Variants in RBFOX1 observed in about 807,000 individuals in gnomAD.
RBFOX1 encodes RNA binding fox-1 homolog 1, also known as RNA binding protein fox-1 homolog 1.
A neutral mutation model predicts 57.7 loss-of-function variants in RBFOX1; 8 were observed. That is an observed-to-expected ratio of 0.14 (90% CI 0.08 to 0.25). RBFOX1 has a LOEUF of 0.25. Ranked by LOEUF, RBFOX1 falls within the 10% of genes least tolerant of loss-of-function variation. RBFOX1 has a pLI of 1.00. For missense variants in RBFOX1, 611 were observed against 548.5 expected (o/e 1.11, Z -1.14); for synonymous variants, 326 against 222.4 (o/e 1.47, Z -4.15).
At chr16:7,197,688 C>T (rs1444254310) in intron 4 of RBFOX1, among the ~76,000 whole-genome samples, 3 of 152,132 alleles carry the variant, frequency 2.0e-5, no homozygotes, top group African/African-American at 4.8e-5. Flanking sequence ...TGTCCATCAC[C>T]AGGTGTGTGG....
chr16:7,201,628 A>C (rs1252692599), intron 4 of RBFOX1, among the ~76,000 whole-genome samples: 1 of 151,830 alleles, frequency 6.6e-6, no homozygotes, highest in Non-Finnish European at 1.5e-5. Context: ...ACGCCTGGCT[A>C]ATTTTTAGTA....
At chr16:7,531,255 T>A (rs916590948) in intron 5 of RBFOX1, among the ~76,000 whole-genome samples, 1 of 152,138 alleles carries the variant, frequency 6.6e-6, no homozygotes, top group Non-Finnish European at 1.5e-5. Flanking sequence ...GAACATCAAA[T>A]AGAAACTTCT....
intron 4 of RBFOX1, among the ~76,000 whole-genome samples, chr16:5,940,498 A>G (rs1274133116): frequency 1.3e-5 from 2 of 152,236 alleles, no homozygotes; most frequent in Admixed American, 6.5e-5. Context: ...GACTGAGCCC[A>G]GATCTATGGG....
chr16:7,369,426 A>G (rs1304659367), intron 4 of RBFOX1, among the ~76,000 whole-genome samples: 2 of 152,064 alleles, frequency 1.3e-5, no homozygotes, highest in Non-Finnish European at 2.9e-5. Flanking sequence ...CTCACTATTA[A>G]TTCATCTGTT....
intron 4 of RBFOX1, among the ~76,000 whole-genome samples, chr16:5,962,004 C>A (rs1281321973): frequency 6.6e-6 from 1 of 152,166 alleles, no homozygotes; most frequent in Non-Finnish European, 1.5e-5. Flanking sequence ...GAGCCCATCT[C>A]TCTCCTTCCA....
At chr16:7,451,605 A>G (rs1225769274) in intron 4 of RBFOX1, among the ~76,000 whole-genome samples, 1 of 152,168 alleles carries the variant, frequency 6.6e-6, no homozygotes, top group Non-Finnish European at 1.5e-5. Flanking sequence ...TGAGTTGCAA[A>G]TATTCTTAGA....
At chr16:6,401,103 G>A (rs1282347092) in intron 2 of RBFOX1, among the ~76,000 whole-genome samples, 1 of 152,170 alleles carries the variant, frequency 6.6e-6, no homozygotes, top group Admixed American at 6.5e-5. Context: ...TGGAGAAAGG[G>A]TGATTCCAGA....
intron 2 of RBFOX1, among the ~76,000 whole-genome samples, chr16:6,649,874 A>T (rs1233463754): frequency 6.6e-6 from 1 of 152,204 alleles, no homozygotes; most frequent in African/African-American, 2.4e-5. Context: ...TATGTATAGT[A>T]TTCCAATATA....
intron 2 of RBFOX1, among the ~76,000 whole-genome samples, chr16:6,447,865 G>A (rs879838376): frequency 8.5e-5 from 13 of 152,080 alleles, no homozygotes; most frequent in African/African-American, 1.4e-4. Flanking sequence ...CCGTCCAATC[G>A]GAGTGAACCT....
chr16:6,160,798 C>G (rs1160261351), intron 1 of RBFOX1, among the ~76,000 whole-genome samples: 1 of 152,192 alleles, frequency 6.6e-6, no homozygotes, highest in Non-Finnish European at 1.5e-5. Flanking sequence ...TTTGCACTTG[C>G]TGATCTCTCT....
chr16:5,811,143 ATTT>A (rs374827330), intron 3 of RBFOX1, among the ~76,000 whole-genome samples: 99 of 104,578 alleles, frequency 9.5e-4, no homozygotes, highest in African/African-American at 3.8e-3. Flanking sequence ...TATGGAACAA[ATTT>A]TTTTTTTTTT....
At chr16:7,256,676 C>G (rs764361761) in intron 4 of RBFOX1, among the ~76,000 whole-genome samples, 1 of 152,184 alleles carries the variant, frequency 6.6e-6, no homozygotes, top group East Asian at 1.9e-4. Context: ...ATTTCCACCC[C>G]TTTAGGGTAA....
At chr16:7,383,078 T>C (rs1176193930) in intron 4 of RBFOX1, among the ~76,000 whole-genome samples, 1 of 152,026 alleles carries the variant, frequency 6.6e-6, no homozygotes, top group Non-Finnish European at 1.5e-5. Context: ...AAAAATGCAA[T>C]ATCCAGTTGA....
chr16:6,188,461 C>T (rs1372905874), intron 1 of RBFOX1, among the ~76,000 whole-genome samples: 4 of 146,308 alleles, frequency 2.7e-5, no homozygotes, highest in Admixed American at 6.8e-5. Context: ...ATACAGTGTT[C>T]GTAAACCTGG....
chr16:7,407,676 C>T (rs901668059), intron 4 of RBFOX1, among the ~76,000 whole-genome samples: 2 of 152,086 alleles, frequency 1.3e-5, no homozygotes, highest in South Asian at 2.1e-4. Flanking sequence ...TCTTAATTGC[C>T]GTTAACATTC....
chr16:7,251,301 C>G (rs4423437), intron 4 of RBFOX1, among the ~76,000 whole-genome samples: 52,461 of 151,926 alleles, frequency 0.35, 9,764 homozygotes, highest in Middle Eastern at 0.46. Context: ...TTTCACTCAA[C>G]ATGACATCCT....
At chr16:5,538,490 C>G (rs1350749330) in intron 2 of RBFOX1, among the ~76,000 whole-genome samples, 1 of 152,130 alleles carries the variant, frequency 6.6e-6, no homozygotes, top group Admixed American at 6.5e-5. Context: ...GATCAATAAA[C>G]AAGGGTAACA....
rs1157811727 is a variant in RBFOX1 at position 7,414,681 on chromosome 16, G to A, written c.28-103466G>A. Among the ~76,000 whole-genome samples the A allele has an allele frequency of 2.6e-5, 4 of 152,040 alleles. No individual in the cohort carries two copies. In the South Asian group the frequency reaches 6.2e-4, roughly 24 times the overall value. ...CACCCAGGCTGGAGTGTGGTGATGCGATCTCAGTTCACTGCAACCTCCGCC... is the reference window on the plus strand; with the variant it reads ...CACCCAGGCTGGAGTGTGGTGATGCAATCTCAGTTCACTGCAACCTCCGCC... On this transcript the variant is annotated intron_variant, in intron 4 of 15. Coordinates refer to ENST00000550418, the MANE Select transcript of RBFOX1 (RefSeq NM_018723.4).
chr16:7,589,029 A>G (rs1160483855), intron 7 of RBFOX1, among the ~76,000 whole-genome samples: 1 of 152,194 alleles, frequency 6.6e-6, no homozygotes, highest in Non-Finnish European at 1.5e-5. Flanking sequence ...CTCGAACTTA[A>G]GTCTCTTCCT....
Sources: gnomAD v4.1 joint callset for allele counts (sites outside exome capture counted in the v4.1 genomes callset) on GRCh38, gnomAD v4.1.1 for gene constraint, MANE v1.5 for transcripts, NCBI Gene and HGNC (gene_info 2026-07-23, HGNC 2026-07-21) for gene names.